Variants in EPS15 observed in about 807,000 individuals in gnomAD.
EPS15 encodes epidermal growth factor receptor substrate 15.
In EPS15, 72 loss-of-function variants were observed where a neutral mutation model predicts 113.8. The observed-to-expected ratio is 0.63, with a 90% CI of 0.52 to 0.77. The LOEUF (loss-of-function observed/expected upper bound fraction) is 0.77, where lower values mean the gene tolerates loss of function less well. Among genes scored for constraint, EPS15 ranks in the 30% least tolerant of loss-of-function variants. EPS15 has a pLI of 0.00. For missense variants in EPS15, 1,048 were observed against 1,045.8 expected (o/e 1.00, Z -0.03); for synonymous variants, 344 against 363.4 (o/e 0.95, Z 0.61).
intron 21 of EPS15, among the ~76,000 whole-genome samples, chr1:51,386,940 C>T (rs1647094824): frequency 6.6e-6 from 1 of 152,072 alleles, no homozygotes. Flanking sequence ...CAAGGCAGGC[C>T]AACATTCAGA....
At chr1:51,401,471 T>C (rs978852727) in intron 18 of EPS15, among the ~76,000 whole-genome samples, 2 of 152,124 alleles carry the variant, frequency 1.3e-5, no homozygotes, top group African/African-American at 4.8e-5. Context: ...TATACAAAAA[T>C]AAACTCAAAA....
Position 51,446,990 on chromosome 1 carries a change from C to T in EPS15, c.767G>A (p.Gly256Asp), listed in dbSNP as rs766878609. The stretch of plus-strand genomic sequence containing the variant: ...ATGGGCTAGTAAGGTAGAAGGTAAA[C>T]CTGTTTTCAAGAATATTTCACGGAC... ...LEVREIFLKTGLPSTLLAHIW... is the reference protein window; with the variant it reads ...LEVREIFLKTDLPSTLLAHIW... Residue 256 changes from glycine to aspartate, a missense_variant, in exon 10 of 25, where the codon GGT becomes GAT. Transcript: ENST00000371733. 1.2e-6 allele frequency: 2 copies of T among 1,613,100 alleles called. No homozygotes were observed. The highest frequency in any genetic ancestry group is 2.7e-5 in the African/African-American group (2 of 74,944).
chr1:51,492,040 G>A (rs2148538540), intron 1 of EPS15, among the ~76,000 whole-genome samples: 2 of 151,840 alleles, frequency 1.3e-5, no homozygotes, highest in East Asian at 3.9e-4. Flanking sequence ...GTAGAGATGG[G>A]TTTTCACCAT....
At chr1:51,484,949 T>A (rs72691873) in intron 1 of EPS15, among the ~76,000 whole-genome samples, 2,934 of 152,366 alleles carry the variant, frequency 0.019, 47 homozygotes, top group Non-Finnish European at 0.031. Context: ...ATTGTACAAG[T>A]CTACAACTGT....
At chr1:51,499,382 C>T (rs1478042919) in intron 1 of EPS15, among the ~76,000 whole-genome samples, 2 of 152,054 alleles carry the variant, frequency 1.3e-5, no homozygotes, top group East Asian at 1.9e-4. Context: ...TCTTCACGGA[C>T]ACTTGGGTTA....
intron 21 of EPS15, among the ~76,000 whole-genome samples, chr1:51,385,757 G>T (rs928430648): frequency 6.6e-6 from 1 of 152,060 alleles, no homozygotes; most frequent in African/African-American, 2.4e-5. Context: ...ATACCATATG[G>T]ATGAACCTTG....
chr1:51,493,579 A>AAT (rs1264942186), intron 1 of EPS15, among the ~76,000 whole-genome samples: 2 of 140,998 alleles, frequency 1.4e-5, no homozygotes, highest in Non-Finnish European at 3.1e-5. Context: ...TAAATAAATA[A>AAT]AAATAAAGCT....
At chr1:51,507,232 G>C (rs1270924182) in intron 1 of EPS15, among the ~76,000 whole-genome samples, 1 of 152,134 alleles carries the variant, frequency 6.6e-6, no homozygotes, top group East Asian at 1.9e-4. Context: ...AAGGTTATTT[G>C]CAACAGCATA....
intron 21 of EPS15, among the ~76,000 whole-genome samples, chr1:51,371,235 C>T (rs1233904238): frequency 6.6e-6 from 1 of 152,128 alleles, no homozygotes; most frequent in African/African-American, 2.4e-5. Flanking sequence ...TTAGTGTTCA[C>T]CTTCTACATA....
chr1:51,489,884 C>T (rs996843791), intron 1 of EPS15, among the ~76,000 whole-genome samples: 2 of 152,176 alleles, frequency 1.3e-5, no homozygotes, highest in Admixed American at 6.5e-5. Context: ...CAGCCCGGAT[C>T]CTCAAATGAG....
At chr1:51,381,255 C>G (rs112681075) in intron 21 of EPS15, among the ~76,000 whole-genome samples, 2 of 152,128 alleles carry the variant, frequency 1.3e-5, no homozygotes, top group African/African-American at 4.8e-5. Flanking sequence ...TACTTTAGGC[C>G]ATAGAACAAC....
intron 20 of EPS15, among the ~76,000 whole-genome samples, chr1:51,398,011 C>T (rs1304749699): frequency 1.3e-5 from 2 of 151,554 alleles, no homozygotes; most frequent in African/African-American, 4.8e-5. Context: ...TATTTCATTA[C>T]ATTATTCTCC....
intron 1 of EPS15, among the ~76,000 whole-genome samples, chr1:51,498,141 T>C (rs1644357445): frequency 6.6e-6 from 1 of 152,180 alleles, no homozygotes; most frequent in Non-Finnish European, 1.5e-5. Context: ...GCTTTTATCC[T>C]CAAAAAATTC....
chr1:51,436,094 A>G (rs1283846216), intron 12 of EPS15, among the ~76,000 whole-genome samples: 3 of 152,226 alleles, frequency 2.0e-5, no homozygotes, highest in Non-Finnish European at 2.9e-5. Context: ...GAGTACAAAG[A>G]GCAAACACAC....
rs541770389 is a variant in EPS15, at chr1:51,449,866, G to C, written c.562-1731C>G. Among the ~76,000 whole-genome samples, 3 of 151,828 alleles carry C rather than the reference G, an allele frequency of 2.0e-5. No individual in the cohort carries two copies. The East Asian group carries it at 5.8e-4, about 29-fold the overall frequency. ...TGAATGGCTTCTGGGTGGGACCACA[G>C]GAACAAGTCCAGGAGGAAGCCATGG... is the stretch of plus-strand genomic sequence containing the variant. On this transcript the variant is annotated intron_variant, in intron 8 of 24. Transcript: ENST00000371733.
intron 23 of EPS15, among the ~76,000 whole-genome samples, chr1:51,363,505 T>C (rs1646436398): frequency 6.6e-6 from 1 of 152,044 alleles, no homozygotes; most frequent in African/African-American, 2.4e-5. Flanking sequence ...AAATTATAAT[T>C]AAAACACCAA....
chr1:51,422,046 T>TAA, intron 12 of EPS15, 188 bp from the exon 13 acceptor site: 8 of 1,177,558 alleles, frequency 6.8e-6, no homozygotes, highest in Admixed American at 3.9e-5. Context: ...GCTCCATTTG[T>TAA]AAAAAAAAAA....
chr1:51,399,036 G>A lies in EPS15; in HGVS notation c.2048C>T (p.Thr683Ile). 6.2e-7 allele frequency: 1 copy of A among 1,612,664 alleles called. No individual in the cohort carries two copies. Among genetic ancestry groups the A allele is most frequent in the South Asian group, 1.1e-5 (1 of 90,900 alleles). ...GTTTTTAATTCTCCCACTTACCGAT[G>A]TAATACTGCTATTGTTGGCTGCACT... Reference protein sequence around the residue: ...PFSAANNSSITSVETLKHNDP... With the variant: ...PFSAANNSSIISVETLKHNDP... The change falls in exon 20 of 25, where the codon ACA (threonine) becomes ATA (isoleucine). Residue 683 changes from threonine (T) to isoleucine (I), a missense_variant. By Grantham distance (89) the Thr-to-Ile change is moderately conservative. Coordinates refer to ENST00000371733, the MANE Select transcript of EPS15 (RefSeq NM_001981.3).
intron 1 of EPS15, among the ~76,000 whole-genome samples, chr1:51,503,514 C>T (rs190567132): frequency 3.3e-4 from 50 of 152,086 alleles, no homozygotes; most frequent in Non-Finnish European, 5.0e-4. Context: ...TGGTGGCATG[C>T]GCCTGTAATC....
Sources: gnomAD v4.1 joint callset for allele counts (sites outside exome capture counted in the v4.1 genomes callset) on GRCh38, gnomAD v4.1.1 for gene constraint, MANE v1.5 for transcripts, NCBI Gene and HGNC (gene_info 2026-07-23, HGNC 2026-07-21) for gene names.